The following ACTR3C variants were observed in gnomAD, a reference collection of about 807,000 sequenced individuals.
The protein encoded by ACTR3C is actin-related protein 3C.
In ACTR3C, 18 loss-of-function variants were observed where a neutral mutation model predicts 26.3. The ratio of observed to expected loss-of-function variants is 0.68; its 90% confidence interval spans 0.47 to 1.01. ACTR3C has a LOEUF of 1.01. Ranked by LOEUF, ACTR3C falls within the 50% of genes least tolerant of loss-of-function variation. The pLI is 0.00. For synonymous variants in ACTR3C, 55 were observed against 94.5 expected (o/e 0.58, Z 2.42); for missense variants, 184 against 250.7 (o/e 0.73, Z 1.80).
chr7:149,900,334 G>A, the ACTR3C span, among the ~76,000 whole-genome samples: 2 of 151,948 alleles, frequency 1.3e-5, no homozygotes, highest in Non-Finnish European at 2.9e-5. Context: ...ACGCCACCAC[G>A]CCCAGCTAAT....
chr7:149,972,834 C>A, the ACTR3C span, among the ~76,000 whole-genome samples: 1 of 152,046 alleles, frequency 6.6e-6, no homozygotes, highest in Non-Finnish European at 1.5e-5. Context: ...GCACATCTGT[C>A]CCCAGGTAAT....
chr7:149,968,844 C>G, the ACTR3C span, among the ~76,000 whole-genome samples: 2 of 152,244 alleles, frequency 1.3e-5, no homozygotes, highest in Middle Eastern at 3.4e-3. Flanking sequence ...GCCCGCTGTG[C>G]CTGTTGGGGG....
At chr7:150,126,145 A>C in the ACTR3C span, among the ~76,000 whole-genome samples, 9 of 152,186 alleles carry the variant, frequency 5.9e-5, no homozygotes, top group African/African-American at 1.7e-4. Flanking sequence ...TGCAACCGAC[A>C]CTCAGGGCCC....
At chr7:150,099,544 C>G in the ACTR3C span, among the ~76,000 whole-genome samples, 4 of 151,438 alleles carry the variant, frequency 2.6e-5, no homozygotes, top group Non-Finnish European at 5.9e-5. Flanking sequence ...GGACATCCGA[C>G]CCTAGGCTGT....
the ACTR3C span, among the ~76,000 whole-genome samples, chr7:149,882,455 G>C: frequency 6.6e-6 from 1 of 152,166 alleles, no homozygotes; most frequent in East Asian, 1.9e-4. Context: ...GCTGAGGGCT[G>C]GTAGCTCCTT....
At chr7:150,138,841 C>T in the ACTR3C span, among the ~76,000 whole-genome samples, 1 of 152,304 alleles carries the variant, frequency 6.6e-6, no homozygotes, top group Non-Finnish European at 1.5e-5. Flanking sequence ...CCCGTCAGGT[C>T]AGCTGCAGCA....
chr7:150,296,356 G>GA (rs545659816), intron 1 of ACTR3C, among the ~76,000 whole-genome samples: 1,924 of 134,174 alleles, frequency 0.014, 37 homozygotes, highest in East Asian at 0.023. Context: ...CCAAAAGACC[G>GA]AAAAAAAAAA....
chr7:149,953,280 G>A, the ACTR3C span, among the ~76,000 whole-genome samples: 1 of 149,426 alleles, frequency 6.7e-6, no homozygotes, highest in Admixed American at 6.6e-5. Flanking sequence ...CAGATGCCTA[G>A]GAAATCCCAG....
chr7:149,996,115 G>A, the ACTR3C span, among the ~76,000 whole-genome samples: 2 of 152,230 alleles, frequency 1.3e-5, no homozygotes, highest in African/African-American at 4.8e-5. Flanking sequence ...GACAGAGAAA[G>A]ATCACAAACC....
chr7:150,025,984 C>T, the ACTR3C span, among the ~76,000 whole-genome samples: 3 of 152,218 alleles, frequency 2.0e-5, no homozygotes, highest in South Asian at 6.2e-4. Flanking sequence ...CGGAGGGTCA[C>T]TCCATCTCTC....
the ACTR3C span, among the ~76,000 whole-genome samples, chr7:150,080,592 C>T: frequency 6.7e-6 from 1 of 148,514 alleles, no homozygotes. Context: ...TTATTTGAAA[C>T]CTGGGCTGTC....
the ACTR3C span, among the ~76,000 whole-genome samples, chr7:149,952,031 AC>A: frequency 2.7e-5 from 4 of 150,116 alleles, no homozygotes; most frequent in East Asian, 5.8e-4. Context: ...CGGTTTGCAG[AC>A]AGCCTTCTCC....
the ACTR3C span, among the ~76,000 whole-genome samples, chr7:150,088,145 C>T: frequency 1.3e-5 from 2 of 152,256 alleles, no homozygotes; most frequent in African/African-American, 4.8e-5. Context: ...CTTTTCATTT[C>T]CTTAATGGTG....
chr7:150,095,548 T>C, the ACTR3C span, among the ~76,000 whole-genome samples: 1 of 150,598 alleles, frequency 6.6e-6, no homozygotes, highest in Admixed American at 6.6e-5. Context: ...TTTGACAGTG[T>C]ATATACCCTT....
the ACTR3C span, among the ~76,000 whole-genome samples, chr7:150,048,560 G>A: frequency 2.6e-5 from 4 of 152,074 alleles, no homozygotes; most frequent in South Asian, 4.1e-4. Context: ...CCCGCAGCAC[G>A]CGAGCGGACG....
At chr7:149,911,867 T>C in the ACTR3C span, among the ~76,000 whole-genome samples, 1 of 152,098 alleles carries the variant, frequency 6.6e-6, no homozygotes, top group Non-Finnish European at 1.5e-5. Flanking sequence ...CAAGTTACTT[T>C]ACCTATCTGT....
the ACTR3C span, among the ~76,000 whole-genome samples, chr7:150,150,206 T>C: frequency 3.6e-3 from 541 of 151,818 alleles, 8 homozygotes; most frequent in East Asian, 0.059. Flanking sequence ...TGATTTTCCA[T>C]GCCCTGGTGA....
At chr7:150,037,293 C>T in the ACTR3C span, among the ~76,000 whole-genome samples, 1 of 47,730 alleles carries the variant, frequency 2.1e-5, no homozygotes, top group Non-Finnish European at 4.9e-5. Flanking sequence ...CCAGGTGGGT[C>T]CTAAGGATCT....
chr7:149,922,809 G>A, the ACTR3C span, among the ~76,000 whole-genome samples: 1 of 151,680 alleles, frequency 6.6e-6, no homozygotes, highest in Non-Finnish European at 1.5e-5. Context: ...ATGCTACAGA[G>A]AACTTTTCCT....
Sources: allele counts gnomAD v4.1 joint callset (sites outside exome capture counted in the v4.1 genomes callset), GRCh38; gene constraint gnomAD v4.1.1; transcripts MANE v1.5; gene names NCBI Gene and HGNC (gene_info 2026-07-23, HGNC 2026-07-21).